Variants in NPHP4 observed in about 807,000 individuals in gnomAD.
NPHP4 encodes nephrocystin 4, also known as nephrocystin-4.
A neutral mutation model predicts 155.8 loss-of-function variants in NPHP4; 151 were observed. The ratio of observed to expected loss-of-function variants is 0.97; its 90% CI spans 0.85 to 1.11. NPHP4 has a LOEUF of 1.11. Among genes scored for constraint, NPHP4 ranks in the 50% least tolerant of loss-of-function variants. NPHP4 has a pLI of 0.00. For missense variants in NPHP4, 1,956 were observed against 1,925.7 expected, an observed-to-expected ratio of 1.02 and a Z score of -0.29; for synonymous variants, 845 against 816.8, an observed-to-expected ratio of 1.03 and a Z score of -0.59.
chr1:5,880,857 G>A (rs1643210731), intron 18 of NPHP4: 1 of 153,404 alleles, frequency 6.5e-6, no homozygotes, highest in South Asian at 2.0e-4. Context: ...CTCCTGCAAG[G>A]ATGGGACCCA....
intron 23 of NPHP4, among the ~76,000 whole-genome samples, chr1:5,871,300 T>A (rs186727085): frequency 1.3e-5 from 2 of 152,300 alleles, no homozygotes; most frequent in East Asian, 3.9e-4. Flanking sequence ...GGCGGTGGCC[T>A]GAGAGAGGGC....
At chr1:5,911,796 T>C (rs1386507001) in intron 11 of NPHP4, among the ~76,000 whole-genome samples, 1 of 152,192 alleles carries the variant, frequency 6.6e-6, no homozygotes, top group Non-Finnish European at 1.5e-5. Flanking sequence ...CGAATCTCTT[T>C]GTTTTAATGT....
intron 16 of NPHP4, among the ~76,000 whole-genome samples, chr1:5,893,090 C>T (rs961303397): frequency 4.6e-5 from 7 of 152,134 alleles, no homozygotes; most frequent in Non-Finnish European, 7.3e-5. Flanking sequence ...TAACGCAGCA[C>T]CCCAGTGACA....
At chr1:5,940,693 A>G (rs1646773789) in intron 9 of NPHP4, among the ~76,000 whole-genome samples, 1 of 152,224 alleles carries the variant, frequency 6.6e-6, no homozygotes, top group South Asian at 2.1e-4. Context: ...TCCCATTTAC[A>G]ACAGCAGCAC....
intron 11 of NPHP4, among the ~76,000 whole-genome samples, chr1:5,911,600 T>C (rs189721163): frequency 2.2e-4 from 33 of 152,302 alleles, no homozygotes; most frequent in African/African-American, 7.5e-4. Context: ...CTTTATATCA[T>C]GACTTATGCA....
rs569100712 is a variant in NPHP4 at position 5,956,913 on chromosome 1, C to T, written c.674-4077G>A. Among the ~76,000 whole-genome samples, 6 of 152,264 alleles carry T rather than the reference C, an allele frequency of 3.9e-5. No individual in the cohort carries two copies. In the South Asian group the frequency reaches 1.0e-3, roughly 26 times the overall value. ...GACTTGGAGAGGCTGGGAAACCTGC[C>T]CCCAGCTCACATCGTGGCTAGACGT... On this transcript the variant is annotated intron_variant, in intron 6 of 29. Transcript: ENST00000378156.
At chr1:5,981,111 C>T (rs538487608) in intron 2 of NPHP4, among the ~76,000 whole-genome samples, 5 of 152,318 alleles carry the variant, frequency 3.3e-5, no homozygotes, top group South Asian at 2.1e-4. Flanking sequence ...AGCTTCTGCA[C>T]GTGCCCCTCC....
chr1:5,971,334 T>C (rs1652522389), intron 3 of NPHP4, among the ~76,000 whole-genome samples: 1 of 152,252 alleles, frequency 6.6e-6, no homozygotes, highest in South Asian at 2.1e-4. Context: ...AATCCATCTT[T>C]AATCAGAAGA....
intron 8 of NPHP4, among the ~76,000 whole-genome samples, 187 bp downstream of exon 8, chr1:5,947,883 A>AGG (rs942084130): frequency 6.7e-6 from 1 of 148,824 alleles, no homozygotes; most frequent in Non-Finnish European, 1.5e-5. Context: ...GGAAAAAAAA[A>AGG]GGGGGGGGCT....
chr1:5,912,873 G>A (rs1645258615), intron 11 of NPHP4, among the ~76,000 whole-genome samples: 1 of 152,168 alleles, frequency 6.6e-6, no homozygotes, highest in Non-Finnish European at 1.5e-5. Flanking sequence ...CTCCCTCACT[G>A]GGAGGGGAAT....
chr1:5,976,614 C>G (rs1192931626), intron 3 of NPHP4, among the ~76,000 whole-genome samples: 1 of 152,216 alleles, frequency 6.6e-6, no homozygotes, highest in African/African-American at 2.4e-5. Flanking sequence ...CACGGCTGGC[C>G]AGAGAGACCT....
At chr1:5,868,943 T>C (rs1389549318) in intron 23 of NPHP4, among the ~76,000 whole-genome samples, 5 of 104,920 alleles carry the variant, frequency 4.8e-5, no homozygotes, top group East Asian at 3.3e-4. Flanking sequence ...TGCACCCACA[T>C]GCACACACAC....
intron 10 of NPHP4, among the ~76,000 whole-genome samples, chr1:5,930,009 A>C (rs1646195591): frequency 6.6e-6 from 1 of 152,186 alleles, no homozygotes; most frequent in African/African-American, 2.4e-5. Context: ...CATCTACTTC[A>C]TCTTGGCTGA....
At chr1:5,958,855 T>TTAAAAAA (rs1649750823) in intron 6 of NPHP4, among the ~76,000 whole-genome samples, 10 of 7,298 alleles carry the variant, frequency 1.4e-3, no homozygotes, top group Non-Finnish European at 2.5e-3. Context: ...AGACCCTGTC[T>TTAAAAAA]CAAAAAAAAA....
At position 5,890,953 on chromosome 1, in the gene NPHP4, C is replaced by T. The variant is rs34248917; in HGVS notation, c.2219G>A (p.Arg740His). ...CTGCAGGGTCTGCACGGCCAGGTAG[C>T]GGGCAAAGCAGCGCCGCTCACCTGG... The part of the protein sequence containing the change: ...LKPGERRCFA[R>H]YLAVQTLQID... Residue 740 changes from arginine (R) to histidine (H), a missense_variant, in exon 17 of 30, where the codon CGC becomes CAC. Arg to His is a conservative substitution (Grantham distance 29). Coordinates refer to ENST00000378156, the MANE Select transcript of NPHP4 (RefSeq NM_015102.5). The surrounding 1 kb of genome is among the most constrained non-coding windows in gnomAD (Gnocchi z 4.9). 46,920 of 1,602,776 alleles carry T rather than the reference C, an allele frequency of 0.029. 782 individuals carry two copies. The highest frequency in any genetic ancestry group is 0.033 in the Non-Finnish European group (38,267 of 1,172,314).
At chr1:5,907,309 A>C in intron 12 of NPHP4, 87 bp from the exon 13 acceptor site, 2 of 827,230 alleles carry the variant, frequency 2.4e-6, no homozygotes, top group Non-Finnish European at 1.9e-6. Flanking sequence ...CACACCGGGG[A>C]ACGGGGTAGC....
intron 8 of NPHP4, among the ~76,000 whole-genome samples, chr1:5,947,558 G>T (rs1647174377): frequency 6.6e-6 from 1 of 152,172 alleles, no homozygotes. Flanking sequence ...GCCTGATACG[G>T]CCAAGTTACC....
intron 6 of NPHP4, among the ~76,000 whole-genome samples, chr1:5,953,611 G>T (rs1417701770): frequency 6.6e-6 from 1 of 152,220 alleles, no homozygotes; most frequent in Non-Finnish European, 1.5e-5. Flanking sequence ...AAGGCAACCA[G>T]CAAAATACAG....
intron 6 of NPHP4, among the ~76,000 whole-genome samples, chr1:5,960,933 G>A (rs1001045331): frequency 1.3e-5 from 2 of 152,148 alleles, no homozygotes; most frequent in Non-Finnish European, 2.9e-5. Flanking sequence ...GCCAGAAGGC[G>A]GAAGGCTCAA....
Sources: gnomAD v4.1 joint callset for allele counts (sites outside exome capture counted in the v4.1 genomes callset) on GRCh38, gnomAD v4.1.1 for gene constraint, Gnocchi (gnomAD v3.1) non-coding constraint, MANE v1.5 for transcripts, NCBI Gene and HGNC (gene_info 2026-07-23, HGNC 2026-07-21) for gene names.